Variants in SQLE observed in about 807,000 individuals in gnomAD.
The protein encoded by SQLE is squalene epoxidase, also known as squalene monooxygenase.
In SQLE, 29 loss-of-function variants were observed where a neutral mutation model predicts 60.7. The ratio of observed to expected loss-of-function variants is 0.48; its 90% CI spans 0.36 to 0.65. SQLE has a LOEUF of 0.65. Ranked by LOEUF, SQLE falls within the 30% of genes least tolerant of loss-of-function variation. SQLE has a pLI of 0.00. For synonymous variants in SQLE, 237 were observed against 246.8 expected, an observed-to-expected ratio of 0.96 and a Z score of 0.37; for missense variants, 605 against 684.1, an observed-to-expected ratio of 0.88 and a Z score of 1.29.
intron 1 of SQLE, among the ~76,000 whole-genome samples, chr8:125,000,331 CAG>C (rs1308523767): frequency 6.6e-6 from 1 of 152,176 alleles, no homozygotes. Flanking sequence ...GAGTTTAGGC[CAG>C]ATCATTTAGG....
Position 124,998,596 on chromosome 8 carries a change from A to T in SQLE, c.-808A>T, listed in dbSNP as rs936248106. 1 of 684,634 alleles carries T rather than the reference A, an allele frequency of 1.5e-6. No homozygotes were observed. The highest frequency in any genetic ancestry group is 2.7e-6 in the Non-Finnish European group (1 of 376,804). The allele number at this position is 684,634 out of a possible 1,614,324, so 42.4% of individuals were successfully genotyped here. On this transcript the variant is annotated 5_prime_UTR_variant, in exon 1 of 11. Coordinates refer to ENST00000265896, the MANE Select transcript of SQLE (RefSeq NM_003129.4). ...GCGCTGGCGAGAGCCGCCGCCCGCG[A>T]GGGATGCTGGTGAGGAAGCCGTCGG...
intron 7 of SQLE, among the ~76,000 whole-genome samples, chr8:125,012,295 T>C (rs1563598619): frequency 6.6e-6 from 1 of 152,350 alleles, no homozygotes; most frequent in Non-Finnish European, 1.5e-5. Flanking sequence ...AGTTTGCCCA[T>C]TTAAAGTGTA....
At chr8:125,008,803 G>A (rs967548448) in intron 4 of SQLE, among the ~76,000 whole-genome samples, 168 bp from the exon 5 acceptor site, 6 of 152,172 alleles carry the variant, frequency 3.9e-5, no homozygotes, top group Non-Finnish European at 5.9e-5. Context: ...CTGGTCATGC[G>A]TTATCTGAAG....
At chr8:125,017,960 T>C in intron 7 of SQLE, 99 bp from the exon 8 acceptor site, 1 of 1,330,922 alleles carries the variant, frequency 7.5e-7, no homozygotes, top group Non-Finnish European at 1.0e-6. Flanking sequence ...ATTTTTCTTA[T>C]TATTAGCTTA....
At chr8:125,017,674 A>G (rs983914260) in intron 7 of SQLE, among the ~76,000 whole-genome samples, 6 of 152,138 alleles carry the variant, frequency 3.9e-5, no homozygotes, top group Non-Finnish European at 5.9e-5. Flanking sequence ...CCTGTGTGGG[A>G]GGGGGATGAT....
At chr8:125,019,581 CA>C (rs1392931279) in intron 9 of SQLE, among the ~76,000 whole-genome samples, 1 of 152,068 alleles carries the variant, frequency 6.6e-6, no homozygotes, top group East Asian at 1.9e-4. Flanking sequence ...CTAAAACAAA[CA>C]AACAAAAAAT....
Position 124,999,608 on chromosome 8 carries a change from A to G in SQLE, c.205A>G (p.Ile69Val). 4 of 1,613,506 alleles carry G rather than the reference A, an allele frequency of 2.5e-6. No individual in the cohort carries two copies. Among genetic ancestry groups the G allele is most frequent in the Non-Finnish European group, 3.4e-6 (4 of 1,179,734 alleles). ...SGSQFALFSD[I>V]LSGLPFIGFF... ...CTCCCAGTTCGCCCTCTTCTCGGAT[A>G]TTCTCTCAGGCCTGCCTTTCATTGG... is the stretch of plus-strand genomic sequence containing the variant. The change falls in exon 1 of 11, where the codon ATT (isoleucine) becomes GTT (valine). Residue 69 changes from isoleucine to valine, a missense_variant. Ile to Val is a conservative substitution (Grantham distance 29, BLOSUM62 3). Transcript: ENST00000265896.
Position 125,005,537 on chromosome 8 carries a change from G to A in SQLE, c.557G>A (p.Gly186Asp), listed in dbSNP as rs764717217. The part of the protein sequence containing the change: ...KDLGLGDTVE[G>D]LDAQVVNGYM... Reference sequence around the variant, plus strand: ...GATTGCTTTGCAGATACAGTGGAAGGTCTTGATGCCCAGGTTGTAAATGGT... The same window carrying A: ...GATTGCTTTGCAGATACAGTGGAAGATCTTGATGCCCAGGTTGTAAATGGT... Residue 186 changes from glycine to aspartate, a missense_variant, in exon 3 of 11, where the codon GGT (glycine) becomes GAT (aspartate). Gly to Asp is a moderately conservative substitution (Grantham distance 94). Transcript: ENST00000265896. 1 of 1,600,684 alleles carries A rather than the reference G, an allele frequency of 6.2e-7. No homozygotes were observed. Among genetic ancestry groups the A allele is most frequent in the South Asian group, 1.1e-5 (1 of 89,436 alleles).
Position 125,007,478 on chromosome 8 carries a change from AG to A in SQLE, c.814del (p.Asp272IlefsTer9). 1 of 1,544,262 alleles carries A rather than the reference AG, an allele frequency of 6.5e-7. No individual in the cohort carries two copies. The highest frequency in any genetic ancestry group is 8.8e-7 in the Non-Finnish European group (1 of 1,142,668). On this transcript the variant is annotated frameshift_variant, in exon 4 of 11. Coordinates refer to ENST00000265896, the MANE Select transcript of SQLE (RefSeq NM_003129.4). LOFTEE classifies it high-confidence loss of function. Reference sequence around the variant, plus strand: ...TTCAGTACAAGGATAAAGAGACTGGAGATATCAAGGTGAGAAATACCAAATG... The same window carrying A: ...TTCAGTACAAGGATAAAGAGACTGGAATATCAAGGTGAGAAATACCAAATG... ...GVQYKDKETG[D>X]IKELHAPLTV...
chr8:125,014,803 A>AT (rs1474210198), intron 7 of SQLE, among the ~76,000 whole-genome samples: 4 of 151,998 alleles, frequency 2.6e-5, no homozygotes, highest in Admixed American at 1.3e-4. Flanking sequence ...TGTTTTTTGA[A>AT]TTTTTTAAGC....
In SQLE at chr8:125,018,106, G is replaced by C; in HGVS notation, c.1252G>C (p.Gly418Arg). The change falls in exon 8 of 11, where the codon GGT (glycine) becomes CGT (arginine). Residue 418 changes from glycine to arginine, a missense_variant. Gly to Arg is a moderately radical substitution (Grantham distance 125). Coordinates refer to ENST00000265896, the MANE Select transcript of SQLE (RefSeq NM_003129.4). ...ATATAATATGAGGCATCCACTTACT[G>C]GTGGAGGAATGACTGTTGCTTTTAA... ...DAYNMRHPLT[G>R]GGMTVAFKDI... The C allele has an allele frequency of 6.2e-7, 1 of 1,613,714 alleles. No homozygotes were observed. Among genetic ancestry groups the C allele is most frequent in the South Asian group, 1.1e-5 (1 of 91,076 alleles).
At position 124,998,759 on chromosome 8, in the gene SQLE, G is replaced by A. The variant is rs1814789950; in HGVS notation, c.-645G>A. ...TTTAGGTTGGGGCTGCATTGCCCTG[G>A]AGCCGCACTCTTGAGTCCGAGGCCA... is the stretch of plus-strand genomic sequence containing the variant. On this transcript the variant is annotated 5_prime_UTR_variant, in exon 1 of 11. Coordinates refer to ENST00000265896, the MANE Select transcript of SQLE (RefSeq NM_003129.4). 1.9e-6 allele frequency: 1 copy of A among 526,318 alleles called. No homozygotes were observed. The highest frequency in any genetic ancestry group is 2.0e-5 in the African/African-American group (1 of 49,572). The allele number at this position is 526,318 out of a possible 1,614,324, so 32.6% of individuals were successfully genotyped here. A position where few individuals can be genotyped will look rare whatever the true frequency, so the allele number is the denominator to read the frequency against.
At chr8:125,000,596 C>T (rs1814828114) in intron 1 of SQLE, among the ~76,000 whole-genome samples, 1 of 151,982 alleles carries the variant, frequency 6.6e-6, no homozygotes, top group Non-Finnish European at 1.5e-5. Flanking sequence ...TACAGGTGCA[C>T]GCCACCACTC....
intron 6 of SQLE, among the ~76,000 whole-genome samples, chr8:125,009,813 G>T: frequency 6.6e-6 from 1 of 151,708 alleles, no homozygotes; most frequent in African/African-American, 2.4e-5. Context: ...AAAAAGTTTT[G>T]ATATGTTTTT....
At chr8:125,001,126 G>A (rs1227743175) in intron 1 of SQLE, among the ~76,000 whole-genome samples, 2 of 152,116 alleles carry the variant, frequency 1.3e-5, no homozygotes, top group African/African-American at 4.8e-5. Context: ...GGGAAAGGAG[G>A]GAGAGAGAAT....
rs776200193 is a variant in SQLE, at chr8:125,021,779, T to C, written c.1559T>C (p.Ile520Thr). ...TTGTCTCCTAACCCTCTAGTTTTAA[T>C]TGGACACTTCTTTGCTGTTGCAATC... ...SVLSPNPLVLIGHFFAVAIYA... is the reference protein window; with the variant it reads ...SVLSPNPLVLTGHFFAVAIYA... Residue 520 changes from isoleucine (I) to threonine (T), a missense_variant, in exon 11 of 11, where the codon ATT (isoleucine) becomes ACT (threonine). Ile to Thr is a moderately conservative substitution (Grantham distance 89). Coordinates refer to ENST00000265896, the MANE Select transcript of SQLE (RefSeq NM_003129.4). 6 of 1,606,588 alleles carry C rather than the reference T, an allele frequency of 3.7e-6. No individual in the cohort carries two copies. In the South Asian group the frequency reaches 4.5e-5, roughly 12 times the overall value.
At position 125,018,191 on chromosome 8, in the gene SQLE, C is replaced by G; in HGVS notation, c.1337C>G (p.Ala446Gly). ...KGIPDLYDDA[A>G]IFEAKKSFYW... ...ATCCCTGACCTTTATGATGATGCAG[C>G]TATTTTCGAGGTAAGATCAATTATT... Residue 446 changes from alanine to glycine, a missense_variant, in exon 8 of 11, where the codon GCT becomes GGT. Physicochemically the swap from Ala to Gly is moderately conservative, Grantham distance 60. Transcript: ENST00000265896. 1 of 1,605,810 alleles carries G rather than the reference C, an allele frequency of 6.2e-7. No individual in the cohort carries two copies. Among genetic ancestry groups the G allele is most frequent in the Non-Finnish European group, 8.5e-7 (1 of 1,177,986 alleles).
At chr8:125,009,553 T>C (rs1815007596) in intron 6 of SQLE, among the ~76,000 whole-genome samples, 1 of 152,122 alleles carries the variant, frequency 6.6e-6, no homozygotes, top group Non-Finnish European at 1.5e-5. Context: ...CCCACCACTT[T>C]GGGAGGCTGA....
intron 7 of SQLE, among the ~76,000 whole-genome samples, chr8:125,015,982 T>C (rs1196606787): frequency 6.6e-6 from 1 of 152,066 alleles, no homozygotes; most frequent in Non-Finnish European, 1.5e-5. Flanking sequence ...TAGAGCTCCA[T>C]TGTTTGTTGT....
Sources: allele counts gnomAD v4.1 joint callset (sites outside exome capture counted in the v4.1 genomes callset), GRCh38; gene constraint gnomAD v4.1.1; transcripts MANE v1.5; gene names NCBI Gene and HGNC (gene_info 2026-07-23, HGNC 2026-07-21).